SCHIP1: variants seen among roughly 807,000 people sequenced by gnomAD.
SCHIP1 encodes the protein schwannomin-interacting protein 1.
A neutral mutation model predicts 29.7 loss-of-function variants in SCHIP1; 8 were observed. That is an observed-to-expected ratio of 0.27 (90% confidence interval 0.16 to 0.49). The LOEUF (loss-of-function observed/expected upper bound fraction) is 0.49. Among genes scored for constraint, SCHIP1 ranks in the 20% least tolerant of loss-of-function variants. The pLI, the probability that SCHIP1 is intolerant of heterozygous loss-of-function variation, is 0.99. For missense variants in SCHIP1, 193 were observed against 294.6 expected, an observed-to-expected ratio of 0.66 and a Z score of 2.52; for synonymous variants, 76 against 94.9, an observed-to-expected ratio of 0.80 and a Z score of 1.16.
At chr3:159,839,622 CTTTTTCT>C (rs1352749092), upstream of SCHIP1, among the ~76,000 whole-genome samples, 1 of 74,730 alleles carries the variant, frequency 1.3e-5, no homozygotes, top group Non-Finnish European at 2.8e-5. Flanking sequence ...TCTTTAAGGT[CTTTTTCT>C]TTTTTTTTTT....
the SCHIP1 span, among the ~76,000 whole-genome samples, chr3:159,366,981 A>C: frequency 6.6e-6 from 1 of 152,194 alleles, no homozygotes; most frequent in Non-Finnish European, 1.5e-5. Context: ...GCCCTCCTAA[A>C]AATGAAGATC....
At chr3:159,468,756 A>AT in the SCHIP1 span, among the ~76,000 whole-genome samples, 20 of 123,856 alleles carry the variant, frequency 1.6e-4, no homozygotes, top group South Asian at 2.5e-4. Context: ...TATATAATAT[A>AT]ATATATATAT....
the SCHIP1 span, among the ~76,000 whole-genome samples, chr3:159,566,311 A>G: frequency 6.6e-6 from 1 of 152,252 alleles, no homozygotes; most frequent in African/African-American, 2.4e-5. Context: ...ATGCTGTCAT[A>G]AACATTTTAT....
chr3:159,558,261 G>A, the SCHIP1 span, among the ~76,000 whole-genome samples: 1 of 152,184 alleles, frequency 6.6e-6, no homozygotes, highest in Non-Finnish European at 1.5e-5. Context: ...AGGAACTTTG[G>A]CCTAAAGAAG....
chr3:159,597,889 A>G, the SCHIP1 span, among the ~76,000 whole-genome samples: 2,370 of 152,300 alleles, frequency 0.016, 64 homozygotes, highest in African/African-American at 0.053. Flanking sequence ...AAGAGGTTTC[A>G]TGGACTGTTT....
At chr3:159,443,102 A>G in the SCHIP1 span, among the ~76,000 whole-genome samples, 4 of 152,348 alleles carry the variant, frequency 2.6e-5, no homozygotes, top group Admixed American at 1.3e-4. Context: ...GTAATTTTCC[A>G]TAAACCTGCC....
At chr3:159,693,916 G>T in the SCHIP1 span, among the ~76,000 whole-genome samples, 1 of 152,176 alleles carries the variant, frequency 6.6e-6, no homozygotes, top group Non-Finnish European at 1.5e-5. Context: ...GTGTCGTGAA[G>T]ATCAGTGCTA....
the SCHIP1 span, among the ~76,000 whole-genome samples, chr3:159,289,629 A>G: frequency 6.6e-6 from 1 of 152,088 alleles, no homozygotes; most frequent in African/African-American, 2.4e-5. Context: ...TCACTCCTTA[A>G]TTAATAATTT....
At chr3:159,534,380 C>T in the SCHIP1 span, among the ~76,000 whole-genome samples, 1 of 152,114 alleles carries the variant, frequency 6.6e-6, no homozygotes, top group Non-Finnish European at 1.5e-5. Context: ...ATTGCTATCG[C>T]AGATAAAACC....
chr3:159,540,934 A>T, the SCHIP1 span, among the ~76,000 whole-genome samples: 7 of 152,110 alleles, frequency 4.6e-5, no homozygotes, highest in African/African-American at 1.7e-4. Flanking sequence ...AAAGAAAAAA[A>T]ATGTGTGTTC....
chr3:159,708,592 G>A, the SCHIP1 span, among the ~76,000 whole-genome samples: 4 of 152,150 alleles, frequency 2.6e-5, no homozygotes, highest in East Asian at 5.8e-4. Context: ...CATCAATGAG[G>A]ACTTGACAGG....
chr3:159,803,550 C>A, the SCHIP1 span, among the ~76,000 whole-genome samples: 1 of 152,116 alleles, frequency 6.6e-6, no homozygotes, highest in Non-Finnish European at 1.5e-5. Flanking sequence ...CAAATAAGAC[C>A]TACCTAAGGA....
chr3:159,441,059 A>G, the SCHIP1 span, among the ~76,000 whole-genome samples: 1 of 152,180 alleles, frequency 6.6e-6, no homozygotes, highest in Non-Finnish European at 1.5e-5. Context: ...AAGCATGTGG[A>G]TTAGTCCCCA....
At chr3:159,896,375 A>G (rs1442558327) in intron 6 of SCHIP1, among the ~76,000 whole-genome samples, 1 of 152,208 alleles carries the variant, frequency 6.6e-6, no homozygotes, top group Non-Finnish European at 1.5e-5. Flanking sequence ...CTTGCTCACC[A>G]TCAAATACCC....
At chr3:159,825,266 T>G in the SCHIP1 span, among the ~76,000 whole-genome samples, 7 of 152,184 alleles carry the variant, frequency 4.6e-5, no homozygotes, top group Non-Finnish European at 1.0e-4. Context: ...GTTGAGTAAG[T>G]GTTAGCCTTA....
At chr3:159,646,006 T>C in the SCHIP1 span, among the ~76,000 whole-genome samples, 3 of 152,140 alleles carry the variant, frequency 2.0e-5, no homozygotes, top group African/African-American at 7.2e-5. Flanking sequence ...AGTCAAGATG[T>C]CATGTGCAAG....
At chr3:159,557,821 T>C in the SCHIP1 span, among the ~76,000 whole-genome samples, 2 of 152,332 alleles carry the variant, frequency 1.3e-5, no homozygotes, top group Admixed American at 1.3e-4. Flanking sequence ...GTCTCTTCTC[T>C]AGGAAAAAGG....
At chr3:159,430,547 A>G in the SCHIP1 span, among the ~76,000 whole-genome samples, 1 of 152,168 alleles carries the variant, frequency 6.6e-6, no homozygotes, top group African/African-American at 2.4e-5. Context: ...GGGGCATTGA[A>G]TAGAAAAAGG....
intron 1 of SCHIP1, among the ~76,000 whole-genome samples, chr3:159,841,827 A>G (rs1744247658): frequency 6.6e-6 from 1 of 152,238 alleles, no homozygotes; most frequent in South Asian, 2.1e-4. Flanking sequence ...TATTTTCACA[A>G]TAAAATTAAG....
Sources: allele counts gnomAD v4.1 joint callset (sites outside exome capture counted in the v4.1 genomes callset), GRCh38; gene constraint gnomAD v4.1.1; transcripts MANE v1.5; gene names NCBI Gene and HGNC (gene_info 2026-07-23, HGNC 2026-07-21).